Variants in MAP3K21 observed in about 807,000 individuals in gnomAD.
The protein encoded by MAP3K21 is mitogen-activated protein kinase kinase kinase MLK4.
A neutral mutation model predicts 86.1 loss-of-function variants in MAP3K21; 63 were observed. The ratio of observed to expected loss-of-function variants is 0.73; its 90% CI spans 0.60 to 0.90. MAP3K21 has a LOEUF of 0.90. MAP3K21 is among the 40% of genes least tolerant of loss of function. The pLI is 0.00. For synonymous variants in MAP3K21, 558 were observed against 564.8 expected (o/e 0.99, Z 0.17); for missense variants, 1,220 against 1,367.7 (o/e 0.89, Z 1.70).
chr1:233,354,749 G>C (rs1296661523), intron 3 of MAP3K21, 87 bp from the exon 4 acceptor site: 40 of 1,092,666 alleles, frequency 3.7e-5, no homozygotes, highest in Non-Finnish European at 5.2e-5. Flanking sequence ...CAAATGTTAA[G>C]TTGAAATACA....
intron 5 of MAP3K21, among the ~76,000 whole-genome samples, chr1:233,369,627 GA>G (rs1311753613): frequency 6.6e-6 from 1 of 152,082 alleles, no homozygotes; most frequent in Non-Finnish European, 1.5e-5. Context: ...TTAAATGCTT[GA>G]AAAAAATCAA....
intron 2 of MAP3K21, among the ~76,000 whole-genome samples, chr1:233,348,973 A>G (rs996674100): frequency 1.3e-5 from 2 of 152,204 alleles, no homozygotes; most frequent in Non-Finnish European, 2.9e-5. Flanking sequence ...CTGTCAGTAA[A>G]AGTTCCATAA....
Position 233,375,947 on chromosome 1 carries a change from A to T in MAP3K21, c.1707A>T (p.Gly569=). 6.2e-7 allele frequency: 1 copy of T among 1,612,454 alleles called. No individual in the cohort carries two copies. The highest frequency in any genetic ancestry group is 8.5e-7 in the Non-Finnish European group (1 of 1,179,234). ...CAGATGAAAGCAATAAAACTTGGGG[A>T]AGGAACACAGTCTTTCGACAAGAAG... is the stretch of plus-strand genomic sequence containing the variant. ...LTSDESNKTW[G]RNTVFRQEEF... Residue 569 remains glycine (G), a synonymous_variant, in exon 7 of 10, where the codon GGA becomes GGT. Coordinates refer to ENST00000366624, the MANE Select transcript of MAP3K21 (RefSeq NM_032435.3).
chr1:233,350,110 G>C (rs187955219), intron 2 of MAP3K21, among the ~76,000 whole-genome samples: 7 of 152,162 alleles, frequency 4.6e-5, no homozygotes, highest in African/African-American at 1.4e-4. Flanking sequence ...CATAGTGTTT[G>C]CATATAGCCT....
chr1:233,372,134 T>C lies in MAP3K21; in HGVS notation c.1649T>C (p.Met550Thr). The C allele has an allele frequency of 6.2e-7, 1 of 1,614,148 alleles. No homozygotes were observed. Among genetic ancestry groups the C allele is most frequent in the Non-Finnish European group, 8.5e-7 (1 of 1,180,008 alleles). Residue 550 changes from methionine to threonine, a missense_variant, in exon 6 of 10, where the codon ATG becomes ACG. By Grantham distance (81) the Met-to-Thr change is moderately conservative. Coordinates refer to ENST00000366624, the MANE Select transcript of MAP3K21 (RefSeq NM_032435.3). ...SSSSPPSSPT[M>T]MPRLRAIQLT... ...TCCAGTCCCCCGAGCAGCCCCACAA[T>C]GATGCCCCGACTCCGAGCCATACAG...
In MAP3K21 at chr1:233,346,496, T is replaced by C; in HGVS notation, c.860T>C (p.Ile287Thr). 2 of 1,613,842 alleles carry C rather than the reference T, an allele frequency of 1.2e-6. No homozygotes were observed. Among genetic ancestry groups the C allele is most frequent in the Non-Finnish European group, 1.7e-6 (2 of 1,179,802 alleles). ...HDDICNKTLK[I>T]TDFGLAREWH... ...GACATCTGCAATAAAACTTTGAAGA[T>C]TACAGATTTTGGGTTGGCGAGGGAA... Residue 287 changes from isoleucine (I) to threonine (T), a missense_variant, in exon 2 of 10, where the codon ATT becomes ACT. By Grantham distance (89) the Ile-to-Thr change is moderately conservative. Coordinates refer to ENST00000366624, the MANE Select transcript of MAP3K21 (RefSeq NM_032435.3).
At chr1:233,374,453 C>A (rs568337693) in intron 6 of MAP3K21, among the ~76,000 whole-genome samples, 1 of 152,158 alleles carries the variant, frequency 6.6e-6, no homozygotes, top group African/African-American at 2.4e-5. Flanking sequence ...GGATTACAGG[C>A]GTGAGCCATC....
rs138353165 is a variant in MAP3K21 at position 233,368,293 on chromosome 1, A to G, written c.1553-3745A>G. On this transcript the variant is annotated intron_variant, in intron 5 of 9. Coordinates refer to ENST00000366624, the MANE Select transcript of MAP3K21 (RefSeq NM_032435.3). ...TTTCTTTGACCACCTCTTTCCCCCA[A>G]CTACCACCACCTAGTCTAGTCAATT... 1.2e-4 allele frequency among the ~76,000 whole-genome samples: 18 copies of G among 152,112 alleles called. No individual in the cohort carries two copies. The East Asian group carries it at 1.4e-3, about 11-fold the overall frequency.
At chr1:233,365,908 C>T (rs574796657) in intron 5 of MAP3K21, among the ~76,000 whole-genome samples, 1 of 152,268 alleles carries the variant, frequency 6.6e-6, no homozygotes, top group East Asian at 1.9e-4. Flanking sequence ...TATGGCAACA[C>T]TATTCACAAT....
chr1:233,346,753 C>T (rs533685820), intron 2 of MAP3K21, 131 bp downstream of exon 2: 9 of 783,270 alleles, frequency 1.1e-5, no homozygotes, highest in Non-Finnish European at 1.9e-5. Flanking sequence ...TGGTTTTGAT[C>T]AAAATAATTG....
In MAP3K21 at chr1:233,374,689, TCTC is replaced by T. The variant is rs537630479; in HGVS notation, c.1676-1223_1676-1221del. On this transcript the variant is annotated intron_variant, in intron 6 of 9. Transcript: ENST00000366624. ...AGTTTGGTATCTGTGTTTAGTAACT[TCTC>T]CTCTGTGTATGTATGTGTGTATATA... Among the ~76,000 whole-genome samples the T allele has an allele frequency of 3.2e-4, 49 of 151,144 alleles. 1 individual carries two copies. In the South Asian group the frequency reaches 8.4e-3, roughly 26 times the overall value.
Position 233,353,870 on chromosome 1 carries a change from C to T in MAP3K21, c.1050C>T (p.Leu350=), listed in dbSNP as rs748802015. 14 of 1,613,294 alleles carry T rather than the reference C, an allele frequency of 8.7e-6. No homozygotes were observed. Among genetic ancestry groups the T allele is most frequent in the Middle Eastern group, 3.3e-4 (2 of 6,080 alleles). The change falls in exon 3 of 10, where the codon CTC becomes CTT. Residue 350 remains leucine (L), a synonymous_variant. Transcript: ENST00000366624. ...GEVPYRGIDG[L]AVAYGVAVNK... ...TCCCCTATCGGGGCATTGATGGCCT[C>T]GCCGTGGCTTATGGGGTAGCAGTCA...
chr1:233,337,861 G>A lies in MAP3K21; in HGVS notation c.806-8581G>A, dbSNP rs567468283. 7.2e-5 allele frequency among the ~76,000 whole-genome samples: 11 copies of A among 152,250 alleles called. No homozygotes were observed. The South Asian group carries it at 8.3e-4, about 11-fold the overall frequency. The stretch of plus-strand genomic sequence containing the variant: ...AAAAGAGCAAATCACATTCCATTTC[G>A]GGAAGTATCTTGATGGCATATAGGA... On this transcript the variant is annotated intron_variant, in intron 1 of 9. Transcript: ENST00000366624.
chr1:233,347,722 A>G (rs1008321542), intron 2 of MAP3K21, among the ~76,000 whole-genome samples: 6 of 152,200 alleles, frequency 3.9e-5, no homozygotes, highest in African/African-American at 1.2e-4. Flanking sequence ...GACGCTGGGG[A>G]CTAAGAGAAG....
intron 6 of MAP3K21, chr1:233,375,712 TA>T (rs1172211385): frequency 7.6e-6 from 4 of 524,768 alleles, no homozygotes; most frequent in Non-Finnish European, 1.0e-5. Flanking sequence ...TCTTTTCTGT[TA>T]ACTTACTCCA....
chr1:233,328,256 C>A lies in MAP3K21; in HGVS notation c.228C>A (p.Gly76=), dbSNP rs1332299921. 2.7e-6 allele frequency: 4 copies of A among 1,490,260 alleles called. No homozygotes were observed. The highest frequency in any genetic ancestry group is 3.5e-6 in the Non-Finnish European group (4 of 1,128,190). 92.3% of individuals were successfully genotyped at this position (1,490,260 alleles called of 1,614,324 possible). ...TGTCGCAGGACGCCGCCGTGTCGGG[C>A]GACGAGGGCTGGTGGGCAGGCCAGG... The part of the protein sequence containing the change: ...EVLSQDAAVS[G]DEGWWAGQVQ... The change falls in exon 1 of 10, where the codon GGC becomes GGA. Residue 76 remains glycine (G), a synonymous_variant. Transcript: ENST00000366624. This position sits in a 1 kb window ranked among gnomAD's most constrained non-coding sequence, Gnocchi z 8.7.
intron 1 of MAP3K21, among the ~76,000 whole-genome samples, chr1:233,342,162 A>G (rs1663049617): frequency 6.6e-6 from 1 of 152,188 alleles, no homozygotes; most frequent in Non-Finnish European, 1.5e-5. Context: ...ACTGATGTGG[A>G]TGGAACATTC....
chr1:233,328,254 G>C lies in MAP3K21; in HGVS notation c.226G>C (p.Gly76Arg). 6.7e-7 allele frequency: 1 copy of C among 1,490,378 alleles called. No individual in the cohort carries two copies. Among genetic ancestry groups the C allele is most frequent in the Non-Finnish European group, 8.9e-7 (1 of 1,128,234 alleles). The allele number at this position is 1,490,378 out of a possible 1,614,324, so 92.3% of individuals were successfully genotyped here. Residue 76 changes from glycine to arginine, a missense_variant, in exon 1 of 10, where the codon GGC becomes CGC. Gly to Arg is a moderately radical substitution (Grantham distance 125). This residue lies in a region of MAP3K21 where 369 missense variants were observed against 385.3 expected (regional missense o/e 0.96). Transcript: ENST00000366624. This position sits in a 1 kb window ranked among gnomAD's most constrained non-coding sequence, Gnocchi z 8.7. ...EVLSQDAAVS[G>R]DEGWWAGQVQ... ...GCTGTCGCAGGACGCCGCCGTGTCG[G>C]GCGACGAGGGCTGGTGGGCAGGCCA...
chr1:233,382,377 A>G lies in MAP3K21; in HGVS notation c.2777A>G (p.His926Arg). Reference protein sequence around the residue: ...PLCPSPAPHSHLPREVSPKKH... With the variant: ...PLCPSPAPHSRLPREVSPKKH... ...TGCCCCTCACCTGCTCCTCACAGTC[A>G]TCTGCCAAGGGAGGTCTCACCCAAG... The change falls in exon 10 of 10, where the codon CAT becomes CGT. Residue 926 changes from histidine (H) to arginine (R), a missense_variant. Coordinates refer to ENST00000366624, the MANE Select transcript of MAP3K21 (RefSeq NM_032435.3). 1 of 1,614,086 alleles carries G rather than the reference A, an allele frequency of 6.2e-7. No homozygotes were observed. Among genetic ancestry groups the G allele is most frequent in the Non-Finnish European group, 8.5e-7 (1 of 1,179,994 alleles).
Sources: gnomAD v4.1 joint callset for allele counts (sites outside exome capture counted in the v4.1 genomes callset) on GRCh38, gnomAD v4.1.1 for gene constraint, gnomAD v4.1.1 regional missense constraint, Gnocchi (gnomAD v3.1) non-coding constraint, MANE v1.5 for transcripts, NCBI Gene and HGNC (gene_info 2026-07-23, HGNC 2026-07-21) for gene names.